AIFM2: variants seen among roughly 807,000 people sequenced by gnomAD.
The protein encoded by AIFM2 is ferroptosis suppressor protein 1.
AIFM2 carries 38 observed loss-of-function variants against 35.7 expected under a neutral mutation model. The observed-to-expected ratio is 1.06, with a 90% CI of 0.82 to 1.39. AIFM2 has a LOEUF of 1.39. Among genes scored for constraint, AIFM2 ranks in the 40% most tolerant of loss-of-function variants. The probability of loss-of-function intolerance (pLI) is 0.00; values close to 1 mark genes in which losing one functional copy is unlikely to be tolerated. For missense variants in AIFM2, 476 were observed against 491.2 expected (o/e 0.97, Z 0.29); for synonymous variants, 185 against 203.5 (o/e 0.91, Z 0.77).
Position 70,121,222 on chromosome 10 carries a change from CCAAAAA to C in AIFM2, c.295-17_295-12del. 5.6e-6 allele frequency: 1 copy of C among 177,130 alleles called. No individual in the cohort carries two copies. The highest frequency in any genetic ancestry group is 7.0e-6 in the Non-Finnish European group (1 of 142,738). 11.0% of individuals were successfully genotyped at this position (177,130 alleles called of 1,614,324 possible). On this transcript the variant is annotated splice_polypyrimidine_tract_variant and intron_variant, in intron 3 of 8. Coordinates refer to ENST00000307864, the MANE Select transcript of AIFM2 (RefSeq NM_032797.6). Reference sequence around the variant, plus strand: ...AGAGAAGGGCAGGGCCTGAGAGAAACCAAAAAAAAAAAAAAAAAAAAAAAAAAAAAG... The same window carrying C: ...AGAGAAGGGCAGGGCCTGAGAGAAACAAAAAAAAAAAAAAAAAAAAAAAAG...
chr10:70,123,526 G>A lies in AIFM2; in HGVS notation c.179-6C>T. The A allele has an allele frequency of 6.2e-7, 1 of 1,613,232 alleles. No individual in the cohort carries two copies. The highest frequency in any genetic ancestry group is 8.5e-7 in the Non-Finnish European group (1 of 1,179,198). ...GAATGTCTTTTTGGCGAACCCTGGG[G>A]AAGGGACACAGAAGAGGTCATAGGG... is the stretch of plus-strand genomic sequence containing the variant. On this transcript the variant is annotated splice_region_variant and splice_polypyrimidine_tract_variant and intron_variant, in intron 2 of 8. Transcript: ENST00000307864.
chr10:70,116,624 A>C lies in AIFM2; in HGVS notation c.767T>G (p.Phe256Cys). 6.2e-7 allele frequency: 1 copy of C among 1,613,568 alleles called. No homozygotes were observed. Reference protein sequence around the residue: ...KINSSAYRKAFESRLASSGAL... With the variant: ...KINSSAYRKACESRLASSGAL... ...AGCCCGGCTGGGCACCTGCTCACCA[A>C]ACGCTTTGCGGTAGGCGGAGCTGTT... The change falls in exon 7 of 9, where the codon TTT (phenylalanine) becomes TGT (cysteine). Residue 256 changes from phenylalanine (F) to cysteine (C), a missense_variant and splice_region_variant. Phe to Cys is a radical substitution (Grantham distance 205). Transcript: ENST00000307864.
At chr10:70,123,332 A>T in intron 3 of AIFM2, 73 bp downstream of exon 3, 1 of 1,337,282 alleles carries the variant, frequency 7.5e-7, no homozygotes, top group Non-Finnish European at 1.1e-6. Context: ...CTCTCTCTTG[A>T]CCCTGGAGGA....
intron 4 of AIFM2, among the ~76,000 whole-genome samples, 192 bp downstream of exon 4, chr10:70,120,900 G>A (rs918373991): frequency 2.0e-5 from 3 of 152,170 alleles, no homozygotes; most frequent in African/African-American, 7.2e-5. Flanking sequence ...GGTTTAGGGT[G>A]CTCACATCCT....
At chr10:70,127,463 G>A (rs1046178506) in intron 1 of AIFM2, among the ~76,000 whole-genome samples, 1 of 152,204 alleles carries the variant, frequency 6.6e-6, no homozygotes, top group African/African-American at 2.4e-5. Context: ...GAAGGGAGGA[G>A]GCAGGTAGAG....
Position 70,114,199 on chromosome 10 carries a change from G to C in AIFM2, c.1101C>G (p.Thr367=), listed in dbSNP as rs1451465870. Residue 367 remains threonine (T), a synonymous_variant, in exon 9 of 9, where the codon ACC becomes ACG. Coordinates refer to ENST00000307864, the MANE Select transcript of AIFM2 (RefSeq NM_032797.6). ...RDLFVSTSWK[T]MRQSPP ...TCCATCAAGGTGGAGACTGCCTCAT[G>C]GTTTTCCAGCTCGTAGAGACGAACA... is the stretch of plus-strand genomic sequence containing the variant. 1 of 1,613,468 alleles carries C rather than the reference G, an allele frequency of 6.2e-7. No homozygotes were observed. The highest frequency in any genetic ancestry group is 8.5e-7 in the Non-Finnish European group (1 of 1,179,808).
intron 1 of AIFM2, among the ~76,000 whole-genome samples, chr10:70,130,923 T>G (rs764856400): frequency 2.6e-5 from 4 of 151,964 alleles, no homozygotes; most frequent in Non-Finnish European, 4.4e-5. Flanking sequence ...ACAACACACA[T>G]ACACACAGAC....
chr10:70,118,752 T>G (rs2072465592), intron 5 of AIFM2, among the ~76,000 whole-genome samples: 1 of 152,206 alleles, frequency 6.6e-6, no homozygotes, highest in Non-Finnish European at 1.5e-5. Flanking sequence ...GTACTAAGAA[T>G]CATTTGTTCT....
chr10:70,124,167 G>A, intron 1 of AIFM2, 70 bp from the exon 2 acceptor site: 10 of 1,201,486 alleles, frequency 8.3e-6, no homozygotes, highest in Non-Finnish European at 1.1e-5. Flanking sequence ...CCCACAGTGA[G>A]AGAGGCCTCG....
In AIFM2 at chr10:70,121,178, C is replaced by T; in HGVS notation, c.328G>A (p.Gly110Ser). The change falls in exon 4 of 9, where the codon GGC (glycine) becomes AGC (serine). Residue 110 changes from glycine to serine, a missense_variant. Coordinates refer to ENST00000307864, the MANE Select transcript of AIFM2 (RefSeq NM_032797.6). The stretch of plus-strand genomic sequence containing the variant: ...TTGCCCGGGAAGGGCCCAGTGCTGC[C>T]CGTGGCCAGGATAAGATGAGAGAAG... The part of the protein sequence containing the change: ...LPFSHLILAT[G>S]STGPFPGKFN... 3 of 1,597,762 alleles carry T rather than the reference C, an allele frequency of 1.9e-6. No individual in the cohort carries two copies. Among genetic ancestry groups the T allele is most frequent in the Non-Finnish European group, 1.7e-6 (2 of 1,173,190 alleles).
intron 5 of AIFM2, among the ~76,000 whole-genome samples, chr10:70,119,302 G>A (rs912692681): frequency 1.3e-5 from 2 of 152,198 alleles, no homozygotes; most frequent in Non-Finnish European, 2.9e-5. Context: ...TTAACCCAAG[G>A]AGAGAGTCAT....
intron 1 of AIFM2, among the ~76,000 whole-genome samples, chr10:70,128,929 C>T (rs934284943): frequency 6.6e-6 from 1 of 152,118 alleles, no homozygotes; most frequent in Non-Finnish European, 1.5e-5. Flanking sequence ...TGCTTCATAC[C>T]ACTGCACTTC....
chr10:70,119,917 G>A (rs2072479459), intron 5 of AIFM2, among the ~76,000 whole-genome samples: 1 of 152,194 alleles, frequency 6.6e-6, no homozygotes, highest in Non-Finnish European at 1.5e-5. Context: ...GCATGAGAAA[G>A]CAACAGGGCA....
chr10:70,121,338 C>T (rs1321483542), intron 3 of AIFM2, 127 bp from the exon 4 acceptor site: 3 of 1,377,110 alleles, frequency 2.2e-6, no homozygotes, highest in East Asian at 5.3e-5. Flanking sequence ...GCAAAGAGGC[C>T]CCTCTAGGCA....
chr10:70,115,095 A>C lies in AIFM2; in HGVS notation c.795T>G (p.Ala265=). 7 of 1,613,964 alleles carry C rather than the reference A, an allele frequency of 4.3e-6. No individual in the cohort carries two copies. The highest frequency in any genetic ancestry group is 5.9e-6 in the Non-Finnish European group (7 of 1,179,904). ...AFESRLASSG[A]LRVNEHLQVE... is the part of the protein sequence containing the mutation. ...CCTGGAGGTGCTCGTTCACTCTCAG[A>C]GCACCACTGCTGGCTAGTCTGCTCT... Residue 265 remains alanine (A), a synonymous_variant, in exon 8 of 9, where the codon GCT becomes GCG. Transcript: ENST00000307864.
Position 70,114,641 on chromosome 10 carries a change from A to G in AIFM2, c.970+279T>C, listed in dbSNP as rs368811759. On this transcript the variant is annotated intron_variant, in intron 8 of 8. Coordinates refer to ENST00000307864, the MANE Select transcript of AIFM2 (RefSeq NM_032797.6). ...AGGCATGCACCACCACACCTGGCTA[A>G]TTTTGTATTTTTAGTAGAGACGGGG... The G allele has an allele frequency of 3.7e-4, 189 of 507,082 alleles. No homozygotes were observed. The East Asian group carries it at 6.0e-3, about 16-fold the overall frequency. 31.4% of individuals were successfully genotyped at this position (507,082 alleles called of 1,614,324 possible). A position where few individuals can be genotyped will look rare whatever the true frequency, so the allele number is the denominator to read the frequency against.
At position 70,114,766 on chromosome 10, in the gene AIFM2, G is replaced by A. The variant is rs917564301; in HGVS notation, c.970+154C>T. On this transcript the variant is annotated intron_variant, in intron 8 of 8. Coordinates refer to ENST00000307864, the MANE Select transcript of AIFM2 (RefSeq NM_032797.6). ...TGGGGTTACAGGTGTGAGCCACCGC[G>A]CCCAGCCTATTTTTAAAGAGCTCTA... 72 of 982,526 alleles carry A rather than the reference G, an allele frequency of 7.3e-5. No homozygotes were observed. The Middle Eastern group carries it at 9.6e-4, about 13-fold the overall frequency. 60.9% of individuals were successfully genotyped at this position (982,526 alleles called of 1,614,324 possible).
chr10:70,113,935 G>T lies in AIFM2; in HGVS notation c.*243C>A. The T allele has an allele frequency of 2.0e-6, 1 of 490,802 alleles. No homozygotes were observed. The highest frequency in any genetic ancestry group is 3.6e-6 in the Non-Finnish European group (1 of 278,884). The allele number at this position is 490,802 out of a possible 1,614,324, so 30.4% of individuals were successfully genotyped here. On this transcript the variant is annotated 3_prime_UTR_variant, in exon 9 of 9. Transcript: ENST00000307864. ...ACCATGCAGCCAGCACACATGAGCC[G>T]CTCACCCAGTACCACAGCAAGCACA...
chr10:70,128,733 T>C (rs1161669624), intron 1 of AIFM2, among the ~76,000 whole-genome samples: 1 of 152,216 alleles, frequency 6.6e-6, no homozygotes, highest in African/African-American at 2.4e-5. Context: ...TGGTGGCTCC[T>C]GCCTATAATC....
Sources: gnomAD v4.1 joint callset for allele counts (sites outside exome capture counted in the v4.1 genomes callset) on GRCh38, gnomAD v4.1.1 for gene constraint, MANE v1.5 for transcripts, NCBI Gene and HGNC (gene_info 2026-07-23, HGNC 2026-07-21) for gene names.